Variants in CATSPERE observed in about 807,000 individuals in gnomAD.
CATSPERE encodes cation channel sperm-associated auxiliary subunit epsilon.
In CATSPERE, 93 loss-of-function variants were observed where a neutral mutation model predicts 114.1. The observed-to-expected ratio is 0.81, with a 90% CI of 0.69 to 0.97. The LOEUF (loss-of-function observed/expected upper bound fraction) is 0.97, where lower values mean the gene tolerates loss of function less well. CATSPERE is among the 50% of genes least tolerant of loss of function. The pLI, the probability that CATSPERE is intolerant of heterozygous loss-of-function variation, is 0.00. For synonymous variants in CATSPERE, 341 were observed against 384.1 expected (o/e 0.89, Z 1.31); for missense variants, 1,058 against 1,131.6 (o/e 0.93, Z 0.93).
At chr1:244,487,226 G>A (rs1475810257) in intron 5 of CATSPERE, among the ~76,000 whole-genome samples, 3 of 151,726 alleles carry the variant, frequency 2.0e-5, no homozygotes, top group East Asian at 1.9e-4. Flanking sequence ...GCAGACCCTC[G>A]TAATCACCTG....
chr1:244,480,517 C>G (rs148115781), intron 5 of CATSPERE, among the ~76,000 whole-genome samples: 2 of 152,184 alleles, frequency 1.3e-5, no homozygotes, highest in East Asian at 3.9e-4. Flanking sequence ...TTTTGTGTGA[C>G]GTATATGGTC....
chr1:244,459,980 A>G (rs575160310), upstream of CATSPERE, among the ~76,000 whole-genome samples: 8 of 152,328 alleles, frequency 5.3e-5, no homozygotes, highest in East Asian at 3.9e-4. Flanking sequence ...GCCTTCTCCC[A>G]TCTTCATAGC....
rs13375133 is a variant in CATSPERE at position 244,481,585 on chromosome 1, T to C, written c.326+1801T>C. 9.9e-3 allele frequency among the ~76,000 whole-genome samples: 1,511 copies of C among 152,318 alleles called. 24 individuals carry two copies. Among genetic ancestry groups the C allele is most frequent in the African/African-American group, 0.034 (1,429 of 41,576 alleles). ...AGCTCTTGGGAACCATCAGAGAAGATAATCTGTTGCCATAAGACTGTATGT... is the reference window on the plus strand; with the variant it reads ...AGCTCTTGGGAACCATCAGAGAAGACAATCTGTTGCCATAAGACTGTATGT... On this transcript the variant is annotated intron_variant, in intron 5 of 21. Transcript: ENST00000366534.
chr1:244,584,053 A>G (rs1666659623), intron 13 of CATSPERE, 114 bp downstream of exon 13: 2 of 709,688 alleles, frequency 2.8e-6, no homozygotes, highest in Non-Finnish European at 4.8e-6. Flanking sequence ...CCTCCATACA[A>G]TACCTCCATA....
At chr1:244,542,813 C>T (rs906644889) in intron 8 of CATSPERE, among the ~76,000 whole-genome samples, 1 of 152,018 alleles carries the variant, frequency 6.6e-6, no homozygotes, top group Non-Finnish European at 1.5e-5. Context: ...AGCATGCAGC[C>T]CTGCCCAACT....
Position 244,560,576 on chromosome 1 carries a change from T to A in CATSPERE, c.1030-92T>A, listed in dbSNP as rs568105196. The A allele has an allele frequency of 7.7e-5, 56 of 731,200 alleles. No individual in the cohort carries two copies. In the Admixed American group the frequency reaches 1.5e-3, roughly 19 times the overall value. The allele number at this position is 731,200 out of a possible 1,614,324, so 45.3% of individuals were successfully genotyped here. On this transcript the variant is annotated intron_variant, in intron 9 of 21. Coordinates refer to ENST00000366534, the MANE Select transcript of CATSPERE (RefSeq NM_001130957.2). The stretch of plus-strand genomic sequence containing the variant: ...CCTATTGAAAGAAAATTTAAAAAAA[T>A]AAAAAATAAAATTTAAATTTTAAAA...
intron 10 of CATSPERE, among the ~76,000 whole-genome samples, chr1:244,569,639 T>C (rs186700991): frequency 2.0e-5 from 3 of 152,318 alleles, no homozygotes; most frequent in Admixed American, 2.0e-4. Flanking sequence ...AAAGATATTA[T>C]ATATTTTCAT....
At chr1:244,491,192 G>A (rs983024527) in intron 6 of CATSPERE, among the ~76,000 whole-genome samples, 7 of 152,048 alleles carry the variant, frequency 4.6e-5, no homozygotes, top group African/African-American at 1.7e-4. Flanking sequence ...CACATACTTG[G>A]AAGTAAAGCT....
At position 244,596,150 on chromosome 1, in the gene CATSPERE, T is replaced by C. The variant is rs905917089; in HGVS notation, c.2303+2572T>C. 2.6e-5 allele frequency among the ~76,000 whole-genome samples: 4 copies of C among 152,180 alleles called. No homozygotes were observed. In the South Asian group the frequency reaches 8.3e-4, roughly 32 times the overall value. Reference sequence around the variant, plus strand: ...CAAAACCAGCTAGCACTTGGAATTATAATACATTTGCATAAGACATTCCCA... The same window carrying C: ...CAAAACCAGCTAGCACTTGGAATTACAATACATTTGCATAAGACATTCCCA... On this transcript the variant is annotated intron_variant, in intron 17 of 21. Transcript: ENST00000366534.
intron 19 of CATSPERE, among the ~76,000 whole-genome samples, chr1:244,615,473 C>G (rs1450113310): frequency 1.3e-5 from 2 of 151,612 alleles, no homozygotes; most frequent in African/African-American, 4.8e-5. Context: ...AGAGCACTTA[C>G]ACAAACGTAG....
chr1:244,491,134 G>C (rs1266059218), intron 6 of CATSPERE, among the ~76,000 whole-genome samples: 1 of 151,958 alleles, frequency 6.6e-6, no homozygotes, highest in Non-Finnish European at 1.5e-5. Flanking sequence ...CAAATCAACA[G>C]AATATACATT....
chr1:244,617,515 T>C lies in CATSPERE; in HGVS notation c.2491-14T>C. 6.7e-7 allele frequency: 1 copy of C among 1,481,506 alleles called. No individual in the cohort carries two copies. The highest frequency in any genetic ancestry group is 8.9e-7 in the Non-Finnish European group (1 of 1,121,298). 91.8% of individuals were successfully genotyped at this position (1,481,506 alleles called of 1,614,324 possible). A position where few individuals can be genotyped will look rare whatever the true frequency, so the allele number is the denominator to read the frequency against. On this transcript the variant is annotated splice_polypyrimidine_tract_variant and intron_variant, in intron 19 of 21. Coordinates refer to ENST00000366534, the MANE Select transcript of CATSPERE (RefSeq NM_001130957.2). ...AAAATGACCTTAAAATTTTTGTCTT[T>C]GTTTCTTGTTCAGAACTATAAACAC...
At position 244,640,043 on chromosome 1, in the gene CATSPERE, C is replaced by T. The variant is rs1216077342; in HGVS notation, c.2818C>T (p.Pro940Ser). The part of the protein sequence containing the change: ...MRIYRRYIYE[P>S]LHKPQRKRKK... The stretch of plus-strand genomic sequence containing the variant: ...GATTTATAGACGATATATTTATGAA[C>T]CACTTCACAAACCTCAAAGAAAACG... Residue 940 changes from proline (P) to serine (S), a missense_variant, in exon 22 of 22, where the codon CCA becomes TCA. Transcript: ENST00000366534. 6.5e-7 allele frequency: 1 copy of T among 1,549,924 alleles called. No individual in the cohort carries two copies. The highest frequency in any genetic ancestry group is 1.4e-5 in the African/African-American group (1 of 72,914).
chr1:244,547,033 A>G (rs1479899612), intron 8 of CATSPERE, among the ~76,000 whole-genome samples: 3 of 152,208 alleles, frequency 2.0e-5, no homozygotes, highest in Admixed American at 2.0e-4. Context: ...ACTTATTGTA[A>G]TCAAATTGTC....
chr1:244,593,562 C>T lies in CATSPERE; in HGVS notation c.2287C>T (p.Gln763Ter), dbSNP rs1450551728. 6.2e-7 allele frequency: 1 copy of T among 1,613,462 alleles called. No individual in the cohort carries two copies. The change falls in exon 17 of 22, where the codon CAA (glutamine) becomes TAA (stop). Residue 763 changes from glutamine to a stop codon, truncating the protein, a stop_gained. Coordinates refer to ENST00000366534, the MANE Select transcript of CATSPERE (RefSeq NM_001130957.2). LOFTEE classifies it high-confidence loss of function. ...GAGGCTTGACTTCACAGAAAAGTTT[C>T]AACCTGTGGTTCAACTGTAAGTATA... ...PLRLDFTEKF[Q>*]PVVQLFDDNG...
At position 244,552,656 on chromosome 1, in the gene CATSPERE, A is replaced by G. The variant is rs747847138; in HGVS notation, c.871A>G (p.Ile291Val). 1.8e-5 allele frequency: 29 copies of G among 1,613,932 alleles called. No homozygotes were observed. The African/African-American group carries it at 3.2e-4, about 18-fold the overall frequency. ...DDERRSVAHVILSRDGIVFLI... is the reference protein window; with the variant it reads ...DDERRSVAHVVLSRDGIVFLI... ...TGAAAGACGGAGTGTGGCTCATGTG[A>G]TCTTATCGCGGGATGGAATCGTTTT... is the stretch of plus-strand genomic sequence containing the variant. The change falls in exon 9 of 22, where the codon ATC (isoleucine) becomes GTC (valine). Residue 291 changes from isoleucine (I) to valine (V), a missense_variant. Ile to Val is a conservative substitution (Grantham distance 29). Coordinates refer to ENST00000366534, the MANE Select transcript of CATSPERE (RefSeq NM_001130957.2).
At chr1:244,472,188 T>C (rs1668584814) in intron 2 of CATSPERE, among the ~76,000 whole-genome samples, 1 of 152,190 alleles carries the variant, frequency 6.6e-6, no homozygotes, top group South Asian at 2.1e-4. Flanking sequence ...CTCAAACTCC[T>C]GAGCTCAAGC....
At chr1:244,631,521 C>A (rs1031277153) in intron 20 of CATSPERE, among the ~76,000 whole-genome samples, 1 of 152,070 alleles carries the variant, frequency 6.6e-6, no homozygotes, top group African/African-American at 2.4e-5. Flanking sequence ...AGAAGACAAG[C>A]CACACACTGG....
At chr1:244,527,321 T>C (rs1281992572) in intron 8 of CATSPERE, among the ~76,000 whole-genome samples, 2 of 152,204 alleles carry the variant, frequency 1.3e-5, no homozygotes, top group Non-Finnish European at 2.9e-5. Flanking sequence ...ATTCTCTTTC[T>C]CAGGGATGTT....
Sources: gnomAD v4.1 joint callset for allele counts (sites outside exome capture counted in the v4.1 genomes callset) on GRCh38, gnomAD v4.1.1 for gene constraint, MANE v1.5 for transcripts, NCBI Gene and HGNC (gene_info 2026-07-23, HGNC 2026-07-21) for gene names.